The following CPNE4 variants were observed in gnomAD, a reference collection of about 807,000 sequenced individuals.
CPNE4 encodes copine-4.
CPNE4 carries 25 observed loss-of-function variants against 67.9 expected under a neutral mutation model. That is an observed-to-expected ratio of 0.37 (90% confidence interval 0.27 to 0.51). The LOEUF (loss-of-function observed/expected upper bound fraction) is 0.51, where lower values mean the gene tolerates loss of function less well. Among genes scored for constraint, CPNE4 ranks in the 20% least tolerant of loss-of-function variants. The pLI is 0.93. For synonymous variants in CPNE4, 242 were observed against 244.9 expected (o/e 0.99, Z 0.11); for missense variants, 464 against 690.8 (o/e 0.67, Z 3.68).
intron 1 of CPNE4, among the ~76,000 whole-genome samples, chr3:131,935,652 T>C (rs1259450196): frequency 6.6e-6 from 1 of 152,170 alleles, no homozygotes; most frequent in Non-Finnish European, 1.5e-5. Context: ...TGATCAAAAC[T>C]GTATGACCAG....
chr3:131,701,088 C>G (rs1342501063), intron 3 of CPNE4, among the ~76,000 whole-genome samples: 1 of 97,914 alleles, frequency 1.0e-5, no homozygotes, highest in African/African-American at 4.2e-5. Flanking sequence ...ACACTGGGGC[C>G]TGTTGTGGGG....
intron 2 of CPNE4, among the ~76,000 whole-genome samples, chr3:131,880,612 A>G (rs1276570584): frequency 6.6e-6 from 1 of 152,232 alleles, no homozygotes; most frequent in Non-Finnish European, 1.5e-5. Context: ...TCTGAGACTC[A>G]GAGGGCTTCT....
chr3:131,662,658 G>A (rs1040889339), intron 7 of CPNE4, among the ~76,000 whole-genome samples: 20 of 152,168 alleles, frequency 1.3e-4, no homozygotes, highest in African/African-American at 4.3e-4. Flanking sequence ...TGAAGGATAT[G>A]AACAGGCACT....
intron 2 of CPNE4, among the ~76,000 whole-genome samples, chr3:131,812,743 T>C (rs893595463): frequency 1.3e-5 from 2 of 152,190 alleles, no homozygotes; most frequent in African/African-American, 4.8e-5. Context: ...GAAGGCAGAC[T>C]TGTAGACTGA....
Position 131,787,014 on chromosome 3 carries a change from C to T in CPNE4, c.181-63389G>A, listed in dbSNP as rs368654650. Among the ~76,000 whole-genome samples, 4 of 152,246 alleles carry T rather than the reference C, an allele frequency of 2.6e-5. No homozygotes were observed. In the East Asian group the frequency reaches 7.7e-4, roughly 29 times the overall value. ...CTTCTGTGAACACATCAGTTATTAT[C>T]GACTTGAACTTCTGCCTCTCTATTT... On this transcript the variant is annotated intron_variant, in intron 2 of 15. Transcript: ENST00000429747.
At chr3:131,592,466 G>A (rs985301282) in intron 7 of CPNE4, among the ~76,000 whole-genome samples, 4 of 152,028 alleles carry the variant, frequency 2.6e-5, no homozygotes, top group Non-Finnish European at 5.9e-5. Flanking sequence ...ACCATGACAC[G>A]ACAATATTAT....
chr3:131,741,689 A>G (rs1448308506), intron 2 of CPNE4, among the ~76,000 whole-genome samples: 2 of 152,176 alleles, frequency 1.3e-5, no homozygotes, highest in Non-Finnish European at 2.9e-5. Flanking sequence ...TTGCCTGACT[A>G]TGAAAGCAGG....
chr3:131,926,048 C>T (rs888884280), intron 1 of CPNE4, among the ~76,000 whole-genome samples: 22 of 152,096 alleles, frequency 1.4e-4, no homozygotes, highest in African/African-American at 5.3e-4. Flanking sequence ...ACTTACTATA[C>T]ACAAGTTAAA....
intron 2 of CPNE4, among the ~76,000 whole-genome samples, chr3:131,835,483 C>A (rs964319497): frequency 4.0e-5 from 6 of 151,884 alleles, no homozygotes; most frequent in Admixed American, 1.3e-4. Flanking sequence ...GAGCCAAGTT[C>A]GTGCCACTGC....
chr3:131,803,222 G>A (rs906596862), intron 2 of CPNE4, among the ~76,000 whole-genome samples: 6 of 152,174 alleles, frequency 3.9e-5, no homozygotes, highest in Non-Finnish European at 7.4e-5. Flanking sequence ...TTTCATTTGA[G>A]TATGGTTATG....
At chr3:131,988,936 T>C (rs2073116460) in intron 1 of CPNE4, among the ~76,000 whole-genome samples, 1 of 152,216 alleles carries the variant, frequency 6.6e-6, no homozygotes, top group Non-Finnish European at 1.5e-5. Flanking sequence ...AAAAGTTAAA[T>C]ACAAATTATT....
intron 7 of CPNE4, among the ~76,000 whole-genome samples, chr3:131,613,825 A>C (rs186185578): frequency 6.6e-6 from 1 of 152,322 alleles, no homozygotes. Flanking sequence ...GTCTAACTCC[A>C]TTAATTGATG....
intron 2 of CPNE4, among the ~76,000 whole-genome samples, chr3:131,846,451 G>A (rs1231759978): frequency 1.3e-5 from 2 of 152,094 alleles, no homozygotes; most frequent in East Asian, 1.9e-4. Context: ...AACTTTACCT[G>A]TAAAAACCCA....
chr3:132,033,750 T>G (rs1007212929), intron 1 of CPNE4, among the ~76,000 whole-genome samples: 1 of 152,364 alleles, frequency 6.6e-6, no homozygotes, highest in East Asian at 1.9e-4. Context: ...GGGTTTAGCC[T>G]GCTCCTCACC....
intron 9 of CPNE4, among the ~76,000 whole-genome samples, chr3:131,580,755 T>G (rs1391411158): frequency 6.6e-6 from 1 of 152,188 alleles, no homozygotes; most frequent in African/African-American, 2.4e-5. Flanking sequence ...AGAAGTTTAA[T>G]TATTAGCACA....
chr3:131,892,093 C>T (rs1039172801), intron 2 of CPNE4, among the ~76,000 whole-genome samples: 10 of 152,216 alleles, frequency 6.6e-5, no homozygotes, highest in Middle Eastern at 3.4e-3. Context: ...TCAGAGTTCA[C>T]GGGACTCCAT....
Position 131,825,296 on chromosome 3 carries a change from G to A in CPNE4, c.180+79968C>T, listed in dbSNP as rs559793440. 1.8e-4 allele frequency among the ~76,000 whole-genome samples: 27 copies of A among 152,160 alleles called. No homozygotes were observed. In the South Asian group the frequency reaches 5.2e-3, roughly 29 times the overall value. On this transcript the variant is annotated intron_variant, in intron 2 of 15. Transcript: ENST00000429747. Reference sequence around the variant, plus strand: ...GTGGATCATGAGGTCAGGAGTTCAAGACCAGCCTGACCAACATGGTAAAAC... The same window carrying A: ...GTGGATCATGAGGTCAGGAGTTCAAAACCAGCCTGACCAACATGGTAAAAC...
rs200361138 is a variant in CPNE4 at position 131,775,446 on chromosome 3, CCA to C, written c.181-51823_181-51822del. 2.6e-5 allele frequency among the ~76,000 whole-genome samples: 4 copies of C among 152,176 alleles called. No homozygotes were observed. In the East Asian group the frequency reaches 7.7e-4, roughly 29 times the overall value. On this transcript the variant is annotated intron_variant, in intron 2 of 15. Transcript: ENST00000429747. Reference sequence around the variant, plus strand: ...TAGGTAATATGGTTTGGCTGTGTCCCCACCCAAATCTCATCTTGAATTGTAGC... The same window carrying C: ...TAGGTAATATGGTTTGGCTGTGTCCCCCCAAATCTCATCTTGAATTGTAGC...
intron 7 of CPNE4, among the ~76,000 whole-genome samples, chr3:131,632,585 C>A (rs2079257780): frequency 6.6e-6 from 1 of 152,146 alleles, no homozygotes; most frequent in African/African-American, 2.4e-5. Flanking sequence ...ATGAATTCCT[C>A]CTCCTTAATA....
Sources: allele counts gnomAD v4.1 joint callset (sites outside exome capture counted in the v4.1 genomes callset), GRCh38; gene constraint gnomAD v4.1.1; transcripts MANE v1.5; gene names NCBI Gene and HGNC (gene_info 2026-07-23, HGNC 2026-07-21).